XAGE3: variants seen among roughly 807,000 people sequenced by gnomAD.
XAGE3 encodes X antigen family member 3.
A neutral mutation model predicts 9.2 loss-of-function variants in XAGE3; 6 were observed. That is an observed-to-expected ratio of 0.65 (90% CI 0.36 to 1.29). The LOEUF is 1.29. Ranked by LOEUF, XAGE3 falls within the 50% of genes most tolerant of loss-of-function variation. XAGE3 has a pLI of 0.03. For missense variants in XAGE3, 70 were observed against 82.8 expected (o/e 0.85, Z 0.60); for synonymous variants, 26 against 28.2 (o/e 0.92, Z 0.25).
chrX:52,864,927 A>G, intron 3 of XAGE3, 27 bp from the exon 4 acceptor site: 1 of 1,205,890 alleles, frequency 8.3e-7, no homozygotes, highest in Admixed American at 2.2e-5. Context: ...TTGTCGATTG[A>G]AGCAGGCAAA....
rs5902508 is a variant in XAGE3 at position 52,866,550 on chromosome X, G to GGTGT, written c.82-16_82-13dup. 2.4e-4 allele frequency: 272 copies of GGTGT among 1,145,845 alleles called. No homozygotes were observed. Among genetic ancestry groups the GGTGT allele is most frequent in the African/African-American group, 1.2e-3 (67 of 53,616 alleles). The allele number at this position is 1,145,845 out of a possible 1,213,427, so 94.4% of individuals were successfully genotyped here. On this transcript the variant is annotated splice_polypyrimidine_tract_variant and intron_variant, in intron 2 of 4. Transcript: ENST00000346279. ...TCATCACCGGGCTCCTGGAACCAGG[G>GGTGT]GTGTGTGTGTGTGTGTGTGTGTGTG... is the stretch of plus-strand genomic sequence containing the variant.
At chrX:52,863,898 T>A (rs1240930056) in intron 4 of XAGE3, among the ~76,000 whole-genome samples, 1 of 112,061 alleles carries the variant, frequency 8.9e-6, no homozygotes, top group African/African-American at 3.2e-5. Context: ...TTTTCATTAA[T>A]ATTTTCCTTT....
chrX:52,866,546 C>T lies in XAGE3; in HGVS notation c.82-8G>A. 1 of 1,200,879 alleles carries T rather than the reference C, an allele frequency of 8.3e-7. No individual in the cohort carries two copies. The highest frequency in any genetic ancestry group is 1.1e-6 in the Non-Finnish European group (1 of 888,675). On this transcript the variant is annotated splice_polypyrimidine_tract_variant and splice_region_variant and intron_variant, in intron 2 of 4. Coordinates refer to ENST00000346279, the MANE Select transcript of XAGE3 (RefSeq NM_133179.3). Reference sequence around the variant, plus strand: ...CTCCTCATCACCGGGCTCCTGGAACCAGGGGTGTGTGTGTGTGTGTGTGTG... The same window carrying T: ...CTCCTCATCACCGGGCTCCTGGAACTAGGGGTGTGTGTGTGTGTGTGTGTG...
intron 1 of XAGE3, among the ~76,000 whole-genome samples, chrX:52,867,805 C>T (rs111844599): frequency 0.015 from 1,614 of 111,097 alleles, 31 homozygotes; most frequent in African/African-American, 0.05. Context: ...CTCAACTACG[C>T]GGCCCACCTT....
intron 4 of XAGE3, among the ~76,000 whole-genome samples, chrX:52,863,251 TA>T (rs1350724616): frequency 8.9e-6 from 1 of 112,338 alleles, no homozygotes; most frequent in Non-Finnish European, 1.9e-5. Flanking sequence ...GATTTTCACC[TA>T]TCATCCTGAT....
At chrX:52,864,952 A>T (rs1284598484) in intron 3 of XAGE3, 52 bp from the exon 4 acceptor site, 1 of 1,190,122 alleles carries the variant, frequency 8.4e-7, no homozygotes, top group Non-Finnish European at 1.1e-6. Flanking sequence ...AAAGATAAAG[A>T]AGGAAATGAT....
rs782143607 is a variant in XAGE3, at chrX:52,866,531, C to A, written c.89G>T (p.Gly30Val). The change falls in exon 3 of 5, where the codon GGT becomes GTT. Residue 30 changes from glycine to valine, a missense_variant. Gly to Val is a moderately radical substitution (Grantham distance 109). Coordinates refer to ENST00000346279, the MANE Select transcript of XAGE3 (RefSeq NM_133179.3). Reference protein sequence around the residue: ...PELIGPMLEPGDEEPQQEEPP... With the variant: ...PELIGPMLEPVDEEPQQEEPP... ...TTCCTCTTGCTGAGGCTCCTCATCA[C>A]CGGGCTCCTGGAACCAGGGGTGTGT... is the stretch of plus-strand genomic sequence containing the variant. The A allele has an allele frequency of 9.9e-6, 12 of 1,209,514 alleles. No homozygotes were observed. The South Asian group carries it at 2.1e-4, about 21-fold the overall frequency.
At chrX:52,862,687 T>C (rs1927771764) in intron 4 of XAGE3, 47 bp from the exon 5 acceptor site, 1 of 1,201,354 alleles carries the variant, frequency 8.3e-7, no homozygotes, top group East Asian at 3.0e-5. Context: ...CAGAACTGTA[T>C]TCAGATGACA....
chrX:52,862,743 A>T (rs913554777), intron 4 of XAGE3, 103 bp from the exon 5 acceptor site: 1 of 1,024,765 alleles, frequency 9.8e-7, no homozygotes, highest in Non-Finnish European at 1.3e-6. Flanking sequence ...TATACCGTGG[A>T]TTAAACCAGA....
At chrX:52,864,058 G>A (rs1351459398) in intron 4 of XAGE3, among the ~76,000 whole-genome samples, 2 of 111,910 alleles carry the variant, frequency 1.8e-5, no homozygotes, top group East Asian at 5.6e-4. Context: ...GCAGTATAGA[G>A]TAAAACCATT....
chrX:52,862,871 A>T (rs1463697604), intron 4 of XAGE3, among the ~76,000 whole-genome samples: 1 of 114,646 alleles, frequency 8.7e-6, no homozygotes, highest in Non-Finnish European at 1.9e-5. Flanking sequence ...CTGTAGTTCA[A>T]GGAAACCAAA....
rs782671417 is a variant in XAGE3 at position 52,862,597 on chromosome X, G to A, written c.*21C>T. On this transcript the variant is annotated 3_prime_UTR_variant, in exon 5 of 5. Transcript: ENST00000346279. ...ATATCTTAGATAAAAACAGTTTTGT[G>A]TTGTTTCAGCTTGTCTTCATTTAAA... 9.9e-6 allele frequency: 12 copies of A among 1,208,355 alleles called. No individual in the cohort carries two copies. The highest frequency in any genetic ancestry group is 1.2e-5 in the Non-Finnish European group (11 of 893,933).
In XAGE3 at chrX:52,864,931, A is replaced by G. The variant is rs782289960; in HGVS notation, c.188-31T>C. 6 of 1,204,837 alleles carry G rather than the reference A, an allele frequency of 5.0e-6. No individual in the cohort carries two copies. The South Asian group carries it at 9.0e-5, about 18-fold the overall frequency. On this transcript the variant is annotated intron_variant, in intron 3 of 4. Transcript: ENST00000346279. Reference sequence around the variant, plus strand: ...AAATACAAAGGTTGTCGATTGAAGCAGGCAAACAAGAAAGATAAAGAAGGA... The same window carrying G: ...AAATACAAAGGTTGTCGATTGAAGCGGGCAAACAAGAAAGATAAAGAAGGA...
rs1927894534 is a variant in XAGE3 at position 52,866,552 on chromosome X, T to G, written c.82-14A>C. 31 of 664,398 alleles carry G rather than the reference T, an allele frequency of 4.7e-5. No individual in the cohort carries two copies. The highest frequency in any genetic ancestry group is 3.5e-5 in the South Asian group (1 of 28,409). 54.8% of individuals were successfully genotyped at this position (664,398 alleles called of 1,213,427 possible). ...ATCACCGGGCTCCTGGAACCAGGGG[T>G]GTGTGTGTGTGTGTGTGTGTGTGCA... On this transcript the variant is annotated splice_polypyrimidine_tract_variant and intron_variant, in intron 2 of 4. Coordinates refer to ENST00000346279, the MANE Select transcript of XAGE3 (RefSeq NM_133179.3).
At chrX:52,863,120 T>C (rs1454175139) in intron 4 of XAGE3, among the ~76,000 whole-genome samples, 2 of 112,461 alleles carry the variant, frequency 1.8e-5, no homozygotes, top group Non-Finnish European at 3.8e-5. Flanking sequence ...ACTGCAAAAG[T>C]GCAGTGAATT....
rs1379559250 is a variant in XAGE3 at position 52,865,032 on chromosome X, A to G, written c.188-132T>C. On this transcript the variant is annotated intron_variant, in intron 3 of 4. Coordinates refer to ENST00000346279, the MANE Select transcript of XAGE3 (RefSeq NM_133179.3). ...CTGTGGTAATAAATGTGATGCAAAGATGTCCCACCTTTGTTTTCCTGTACT... is the reference window on the plus strand; with the variant it reads ...CTGTGGTAATAAATGTGATGCAAAGGTGTCCCACCTTTGTTTTCCTGTACT... 4 of 785,345 alleles carry G rather than the reference A, an allele frequency of 5.1e-6. No individual in the cohort carries two copies. The Admixed American group carries it at 1.1e-4, about 22-fold the overall frequency. The allele number at this position is 785,345 out of a possible 1,213,427, so 64.7% of individuals were successfully genotyped here. A position where few individuals can be genotyped will look rare whatever the true frequency, so the allele number is the denominator to read the frequency against.
rs1246161921 is a variant in XAGE3, at chrX:52,868,007, A to G, written c.-10T>C. On this transcript the variant is annotated splice_region_variant and 5_prime_UTR_variant, in exon 1 of 5. Coordinates refer to ENST00000346279, the MANE Select transcript of XAGE3 (RefSeq NM_133179.3). ...GGGAGGACTGGCCTGCGGACCTACCAGCTGCGTCTCAGTGGGACAGAAAAA... is the reference window on the plus strand; with the variant it reads ...GGGAGGACTGGCCTGCGGACCTACCGGCTGCGTCTCAGTGGGACAGAAAAA... The G allele has an allele frequency of 9.0e-6, 1 of 110,875 alleles. No homozygotes were observed. The allele number at this position is 110,875 out of a possible 1,213,427, so 9.1% of individuals were successfully genotyped here. A position where few individuals can be genotyped will look rare whatever the true frequency, so the allele number is the denominator to read the frequency against.
intron 4 of XAGE3, among the ~76,000 whole-genome samples, chrX:52,864,481 C>G (rs1259025984): frequency 8.9e-6 from 1 of 112,208 alleles, no homozygotes; most frequent in Non-Finnish European, 1.9e-5. Context: ...ATTACAAATG[C>G]ATTATGTATT....
At chrX:52,864,952 A>G (rs1284598484) in intron 3 of XAGE3, 52 bp from the exon 4 acceptor site, 2 of 1,190,121 alleles carry the variant, frequency 1.7e-6, no homozygotes, top group Admixed American at 2.3e-5. Context: ...AAAGATAAAG[A>G]AGGAAATGAT....
Sources: gnomAD v4.1 joint callset for allele counts (sites outside exome capture counted in the v4.1 genomes callset) on GRCh38, gnomAD v4.1.1 for gene constraint, MANE v1.5 for transcripts, NCBI Gene and HGNC (gene_info 2026-07-23, HGNC 2026-07-21) for gene names.